Variants in CSMD1 observed in about 807,000 individuals in gnomAD.
CSMD1 encodes CUB and Sushi multiple domains 1, also known as CUB and sushi domain-containing protein 1.
A neutral mutation model predicts 417.5 loss-of-function variants in CSMD1; 213 were observed. That is an observed-to-expected ratio of 0.51 (90% CI 0.46 to 0.57). The LOEUF is 0.57. Among genes scored for constraint, CSMD1 ranks in the 20% least tolerant of loss-of-function variants. The pLI, the probability that CSMD1 is intolerant of heterozygous loss-of-function variation, is 0.00. For missense variants in CSMD1, 6,923 were observed against 4,529.7 expected, an observed-to-expected ratio of 1.53 and a Z score of -15.17; for synonymous variants, 2,862 against 1,736.8, an observed-to-expected ratio of 1.65 and a Z score of -16.11.
intron 68 of CSMD1, among the ~76,000 whole-genome samples, chr8:2,943,364 ATGACAGGTGCC>A (rs544667334): frequency 0.012 from 1,889 of 152,060 alleles, 31 homozygotes; most frequent in South Asian, 0.027. Context: ...AGTAGCTGGG[ATGACAGGTGCC>A]TGCCGCCATG....
intron 5 of CSMD1, among the ~76,000 whole-genome samples, chr8:3,793,188 C>G (rs2623684): frequency 0.28 from 42,241 of 152,000 alleles, 6,155 homozygotes; most frequent in East Asian, 0.48. Flanking sequence ...TGGCATTTTT[C>G]TGTTTAGCAA....
intron 2 of CSMD1, among the ~76,000 whole-genome samples, chr8:4,443,843 T>G (rs997131344): frequency 6.6e-6 from 1 of 152,184 alleles, no homozygotes; most frequent in Non-Finnish European, 1.5e-5. Context: ...GTAACGAACT[T>G]CTGGGTAACA....
intron 1 of CSMD1, among the ~76,000 whole-genome samples, chr8:4,846,206 T>G (rs1024301533): frequency 6.6e-6 from 1 of 152,104 alleles, no homozygotes; most frequent in Non-Finnish European, 1.5e-5. Flanking sequence ...GTCCAGGATC[T>G]TTTTTTTCTT....
chr8:4,682,435 G>A (rs961795452), intron 1 of CSMD1, among the ~76,000 whole-genome samples: 1 of 151,876 alleles, frequency 6.6e-6, no homozygotes, highest in Admixed American at 6.6e-5. Flanking sequence ...TCGATGATTT[G>A]CTATGAATTT....
intron 3 of CSMD1, among the ~76,000 whole-genome samples, chr8:4,154,765 G>A (rs1563196564): frequency 6.6e-6 from 1 of 152,162 alleles, no homozygotes; most frequent in African/African-American, 2.4e-5. Flanking sequence ...CGTAAGATAT[G>A]AATATCACTG....
intron 26 of CSMD1, among the ~76,000 whole-genome samples, chr8:3,255,738 G>A (rs895974341): frequency 1.3e-5 from 2 of 152,204 alleles, no homozygotes; most frequent in African/African-American, 4.8e-5. Context: ...TAGGGTGGGA[G>A]TGACCGGATT....
intron 3 of CSMD1, among the ~76,000 whole-genome samples, chr8:4,121,757 G>C (rs920950570): frequency 1.3e-5 from 2 of 151,820 alleles, no homozygotes; most frequent in South Asian, 2.1e-4. Context: ...GCATTAATTT[G>C]CACAAAATTA....
intron 3 of CSMD1, among the ~76,000 whole-genome samples, chr8:4,315,940 T>C (rs937575417): frequency 2.6e-5 from 4 of 152,184 alleles, no homozygotes; most frequent in African/African-American, 9.7e-5. Context: ...TATAACCTTC[T>C]CTTAACTCCT....
intron 6 of CSMD1, among the ~76,000 whole-genome samples, chr8:3,710,545 G>A (rs1200524614): frequency 6.6e-6 from 1 of 152,144 alleles, no homozygotes; most frequent in Non-Finnish European, 1.5e-5. Flanking sequence ...TGCCCTTTGG[G>A]ACTGTCTTCC....
chr8:4,668,906 G>A (rs1043366293), intron 1 of CSMD1, among the ~76,000 whole-genome samples: 1 of 152,036 alleles, frequency 6.6e-6, no homozygotes, highest in Non-Finnish European at 1.5e-5. Flanking sequence ...TCAGATCTCT[G>A]AAGCTTTATT....
intron 3 of CSMD1, among the ~76,000 whole-genome samples, chr8:4,261,016 C>A (rs138501644): frequency 1.3e-5 from 2 of 152,136 alleles, no homozygotes; most frequent in African/African-American, 2.4e-5. Flanking sequence ...ATACAAAGTT[C>A]AACGTAGACA....
At chr8:4,402,295 C>G (rs1804697053) in intron 3 of CSMD1, among the ~76,000 whole-genome samples, 1 of 151,808 alleles carries the variant, frequency 6.6e-6, no homozygotes, top group Admixed American at 6.6e-5. Flanking sequence ...GTCTTTGCCC[C>G]TTCTCTCCTC....
intron 68 of CSMD1, among the ~76,000 whole-genome samples, chr8:2,948,013 C>T (rs1429574564): frequency 6.7e-6 from 1 of 150,240 alleles, no homozygotes; most frequent in African/African-American, 2.5e-5. Flanking sequence ...ATAAGTTCAT[C>T]AGTGGTAATC....
At chr8:3,233,826 A>AT (rs1585735521) in intron 26 of CSMD1, among the ~76,000 whole-genome samples, 1 of 151,990 alleles carries the variant, frequency 6.6e-6, no homozygotes, top group East Asian at 1.9e-4. Context: ...GTCACATTAG[A>AT]TTACAGGATC....
chr8:4,893,672 G>A (rs17348582), intron 1 of CSMD1, among the ~76,000 whole-genome samples: 11,814 of 152,024 alleles, frequency 0.078, 540 homozygotes, highest in Non-Finnish European at 0.095. Flanking sequence ...TTCCTAACTG[G>A]TTCAAACTGT....
intron 3 of CSMD1, among the ~76,000 whole-genome samples, chr8:4,107,368 G>C (rs1053411453): frequency 2.6e-5 from 4 of 152,136 alleles, no homozygotes; most frequent in Non-Finnish European, 4.4e-5. Context: ...ACCTGTAGAG[G>C]ATAAAGTCCT....
At chr8:3,985,568 A>G (rs1011898846) in intron 5 of CSMD1, among the ~76,000 whole-genome samples, 4 of 152,150 alleles carry the variant, frequency 2.6e-5, no homozygotes, top group Non-Finnish European at 5.9e-5. Context: ...CTATGGAATA[A>G]TAACAGTTTC....
rs182381766 is a variant in CSMD1 at position 3,447,446 on chromosome 8, G to A, written c.1561+21266C>T. Among the ~76,000 whole-genome samples, 377 of 152,276 alleles carry A rather than the reference G, an allele frequency of 2.5e-3. 1 individual carries two copies. The highest frequency in any genetic ancestry group is 0.014 in the Middle Eastern group (4 of 294). ...TTAGGAGGTATTTTTAGATAAAGTG[G>A]AAAATGAAAAGTATTTAGGGTAAGA... On this transcript the variant is annotated intron_variant, in intron 12 of 69. Transcript: ENST00000635120.
In CSMD1 at chr8:4,301,805, G is replaced by T. The variant is rs562526892; in HGVS notation, c.415+118148C>A. ...TGTAAACTCTTGATTTTGCCAGGGG[G>T]GTTCATTGTCCCCATAAACTTTTCA... On this transcript the variant is annotated intron_variant, in intron 3 of 69. Transcript: ENST00000635120. 2.6e-5 allele frequency among the ~76,000 whole-genome samples: 4 copies of T among 152,174 alleles called. No individual in the cohort carries two copies. The East Asian group carries it at 5.8e-4, about 22-fold the overall frequency.
Sources: gnomAD v4.1 joint callset for allele counts (sites outside exome capture counted in the v4.1 genomes callset) on GRCh38, gnomAD v4.1.1 for gene constraint, MANE v1.5 for transcripts, NCBI Gene and HGNC (gene_info 2026-07-23, HGNC 2026-07-21) for gene names.